The following ATG7 variants were observed in gnomAD, a reference collection of about 807,000 sequenced individuals.
The protein encoded by ATG7 is autophagy related 7.
ATG7 carries 70 observed loss-of-function variants against 82.4 expected under a neutral mutation model. The ratio of observed to expected loss-of-function variants is 0.85; its 90% CI spans 0.70 to 1.04. ATG7 has a LOEUF of 1.04. Ranked by LOEUF, ATG7 falls within the 50% of genes least tolerant of loss-of-function variation. The pLI, the probability that ATG7 is intolerant of heterozygous loss-of-function variation, is 0.00. For missense variants in ATG7, 792 were observed against 864.3 expected, an observed-to-expected ratio of 0.92 and a Z score of 1.05; for synonymous variants, 287 against 313.0, an observed-to-expected ratio of 0.92 and a Z score of 0.88.
At chr3:11,507,185 G>A (rs1044272477) in intron 20 of ATG7, among the ~76,000 whole-genome samples, 1 of 152,162 alleles carries the variant, frequency 6.6e-6, no homozygotes, top group Non-Finnish European at 1.5e-5. Flanking sequence ...AGGAGGCTGA[G>A]GCAGGAGAAT....
intron 19 of ATG7, among the ~76,000 whole-genome samples, chr3:11,419,195 T>G (rs2081698947): frequency 6.6e-6 from 1 of 152,188 alleles, no homozygotes; most frequent in South Asian, 2.1e-4. Context: ...CTCCCCTCTT[T>G]GAAAATACAT....
chr3:11,355,258 CTG>C (rs2075854692), intron 14 of ATG7, among the ~76,000 whole-genome samples: 1 of 152,198 alleles, frequency 6.6e-6, no homozygotes. Flanking sequence ...ATTGAATACT[CTG>C]AGCCCTTATG....
chr3:11,431,598 G>A (rs912578311), intron 20 of ATG7, among the ~76,000 whole-genome samples: 1 of 152,114 alleles, frequency 6.6e-6, no homozygotes, highest in Non-Finnish European at 1.5e-5. Flanking sequence ...TCTTCTTTCT[G>A]TCTGTAAGGA....
At chr3:11,486,331 G>T (rs2089643247) in intron 20 of ATG7, among the ~76,000 whole-genome samples, 1 of 151,948 alleles carries the variant, frequency 6.6e-6, no homozygotes, top group Non-Finnish European at 1.5e-5. Context: ...CTCATGATTT[G>T]GCTGTTTGTC....
chr3:11,531,298 G>A (rs1301045949), intron 20 of ATG7, among the ~76,000 whole-genome samples: 1 of 152,196 alleles, frequency 6.6e-6, no homozygotes, highest in East Asian at 1.9e-4. Flanking sequence ...GTGGGGCAGG[G>A]AGCACTGTGC....
chr3:11,465,428 G>C (rs1287910389), intron 20 of ATG7, among the ~76,000 whole-genome samples: 1 of 143,616 alleles, frequency 7.0e-6, no homozygotes, highest in Non-Finnish European at 1.5e-5. Context: ...CTGGGTGACA[G>C]AGAGAGACTC....
intron 19 of ATG7, among the ~76,000 whole-genome samples, chr3:11,425,866 C>A (rs1003003604): frequency 9.2e-5 from 14 of 152,066 alleles, no homozygotes; most frequent in African/African-American, 3.1e-4. Flanking sequence ...ATTCATGTTG[C>A]CTATTTCATT....
chr3:11,318,530 T>C (rs1196671517), intron 9 of ATG7, among the ~76,000 whole-genome samples: 1 of 152,248 alleles, frequency 6.6e-6, no homozygotes, highest in Non-Finnish European at 1.5e-5. Flanking sequence ...TTCCTACCTG[T>C]GGCCCTGAAT....
intron 3 of ATG7, among the ~76,000 whole-genome samples, chr3:11,296,475 C>G (rs1262819982): frequency 1.3e-5 from 2 of 152,172 alleles, no homozygotes; most frequent in East Asian, 1.9e-4. Flanking sequence ...CTCCTCTGCT[C>G]TAATCCAGGT....
chr3:11,362,816 A>G lies in ATG7; in HGVS notation c.1687A>G (p.Thr563Ala). ...ACCAATGATTGTTTCTTTGCAGTCA[A>G]CCAGAGACCGGACCTTGGACCAGCA... is the stretch of plus-strand genomic sequence containing the variant. ...CNDVVAPGDS[T>A]RDRTLDQQCT... The change falls in exon 17 of 21, where the codon ACC (threonine) becomes GCC (alanine). Residue 563 changes from threonine (T) to alanine (A), a missense_variant. Physicochemically the swap from Thr to Ala is moderately conservative, Grantham distance 58. Coordinates refer to ENST00000693202, the MANE Select transcript of ATG7 (RefSeq NM_001349232.2). 1 of 1,613,928 alleles carries G rather than the reference A, an allele frequency of 6.2e-7. No individual in the cohort carries two copies. Among genetic ancestry groups the G allele is most frequent in the Non-Finnish European group, 8.5e-7 (1 of 1,179,874 alleles).
At chr3:11,333,119 A>T in intron 11 of ATG7, 26 bp downstream of exon 11, 1 of 1,527,004 alleles carries the variant, frequency 6.5e-7, no homozygotes, top group East Asian at 2.4e-5. Flanking sequence ...TTGAAAATGC[A>T]TATAATTATC....
intron 20 of ATG7, among the ~76,000 whole-genome samples, chr3:11,518,691 C>G (rs1200645335): frequency 1.3e-5 from 2 of 152,140 alleles, no homozygotes. Flanking sequence ...CTAGAATAAA[C>G]ATTTGACAGC....
At chr3:11,408,423 T>G (rs2080563495) in intron 19 of ATG7, among the ~76,000 whole-genome samples, 1 of 152,246 alleles carries the variant, frequency 6.6e-6, no homozygotes, top group East Asian at 1.9e-4. Context: ...TGTTCCAACC[T>G]CTGCCTGTTA....
At chr3:11,495,093 T>C (rs2090717213) in intron 20 of ATG7, among the ~76,000 whole-genome samples, 1 of 151,516 alleles carries the variant, frequency 6.6e-6, no homozygotes, top group East Asian at 1.9e-4. Flanking sequence ...AAAAAAAGGC[T>C]TGAACAGATG....
At chr3:11,381,080 T>C (rs1433718665) in intron 19 of ATG7, among the ~76,000 whole-genome samples, 1 of 152,254 alleles carries the variant, frequency 6.6e-6, no homozygotes, top group African/African-American at 2.4e-5. Flanking sequence ...TATTTTCTTT[T>C]TGCTTCCGAA....
At chr3:11,393,816 G>A (rs1432332776) in intron 19 of ATG7, among the ~76,000 whole-genome samples, 1 of 152,094 alleles carries the variant, frequency 6.6e-6, no homozygotes, top group Non-Finnish European at 1.5e-5. Context: ...AAGTAGCTGG[G>A]AATACTGGTG....
intron 6 of ATG7, chr3:11,308,407 A>G (rs989084372): frequency 2.6e-5 from 4 of 152,504 alleles, no homozygotes; most frequent in Non-Finnish European, 4.4e-5. Context: ...ATAATCTCAA[A>G]TAAGACTTCA....
chr3:11,506,991 CA>C (rs576437989), intron 20 of ATG7, among the ~76,000 whole-genome samples: 70 of 152,174 alleles, frequency 4.6e-4, no homozygotes, highest in African/African-American at 1.6e-3. Flanking sequence ...TTTAAATGTG[CA>C]AAATCAGGCT....
At position 11,342,260 on chromosome 3, in the gene ATG7, A is replaced by G. The variant is rs149127802; in HGVS notation, c.1106A>G (p.Asn369Ser). 20 of 1,613,378 alleles carry G rather than the reference A, an allele frequency of 1.2e-5. No individual in the cohort carries two copies. In the East Asian group the frequency reaches 2.5e-4, roughly 20 times the overall value. ...CTTGGAGCCGGCACCTTGGGTTGCA[A>G]TGTAGCTAGGACGTTGATGGTAAGT... is the stretch of plus-strand genomic sequence containing the variant. ...LLLGAGTLGC[N>S]VARTLMGWGV... Residue 369 changes from asparagine to serine, a missense_variant, in exon 13 of 21, where the codon AAT becomes AGT. Coordinates refer to ENST00000693202, the MANE Select transcript of ATG7 (RefSeq NM_001349232.2).
Sources: gnomAD v4.1 joint callset for allele counts (sites outside exome capture counted in the v4.1 genomes callset) on GRCh38, gnomAD v4.1.1 for gene constraint, MANE v1.5 for transcripts, NCBI Gene and HGNC (gene_info 2026-07-23, HGNC 2026-07-21) for gene names.